The following PDE3A variants were observed in gnomAD, a reference collection of about 807,000 sequenced individuals.
PDE3A encodes cGMP-inhibited 3',5'-cyclic phosphodiesterase 3A.
A neutral mutation model predicts 98.3 loss-of-function variants in PDE3A; 43 were observed. The ratio of observed to expected loss-of-function variants is 0.44; its 90% CI spans 0.34 to 0.56. The LOEUF is 0.56. Ranked by LOEUF, PDE3A falls within the 20% of genes least tolerant of loss-of-function variation. The pLI is 0.01. For synonymous variants in PDE3A, 663 were observed against 567.9 expected (o/e 1.17, Z -2.38); for missense variants, 1,427 against 1,440.7 (o/e 0.99, Z 0.15).
chr12:20,520,106 T>C (rs1489625058), intron 1 of PDE3A, among the ~76,000 whole-genome samples: 1 of 152,164 alleles, frequency 6.6e-6, no homozygotes, highest in Non-Finnish European at 1.5e-5. Context: ...TAGTCATTGG[T>C]ATCAGTAATG....
Position 20,552,023 on chromosome 12 carries a change from G to C in PDE3A, c.961-4637G>C. On this transcript the variant is annotated intron_variant, in intron 1 of 15. Transcript: ENST00000359062. This position sits in a 1 kb window ranked among gnomAD's most constrained non-coding sequence, Gnocchi z 5.1. Reference sequence around the variant, plus strand: ...GCGTACTCCCTAGTCCTGGCGGGGGGCTACGAGGATGACGTGGACCATGGG... The same window carrying C: ...GCGTACTCCCTAGTCCTGGCGGGGGCCTACGAGGATGACGTGGACCATGGG... 1 of 1,612,472 alleles carries C rather than the reference G, an allele frequency of 6.2e-7. No homozygotes were observed. The highest frequency in any genetic ancestry group is 2.2e-5 in the East Asian group (1 of 44,872).
chr12:20,631,789 C>T (rs540315143), intron 6 of PDE3A, among the ~76,000 whole-genome samples: 1 of 148,440 alleles, frequency 6.7e-6, no homozygotes, highest in Admixed American at 6.8e-5. Flanking sequence ...ATTTCACTGT[C>T]TACTTGTTCA....
intron 2 of PDE3A, among the ~76,000 whole-genome samples, chr12:20,581,429 T>C (rs1291040645): frequency 6.6e-6 from 1 of 152,170 alleles, no homozygotes; most frequent in Non-Finnish European, 1.5e-5. Context: ...ACAGAGAACA[T>C]GCTTCACAGC....
At chr12:20,640,219 G>A (rs545588036) in intron 10 of PDE3A, among the ~76,000 whole-genome samples, 1 of 152,152 alleles carries the variant, frequency 6.6e-6, no homozygotes, top group South Asian at 2.1e-4. Context: ...TATAGTACCT[G>A]ATTCATATGA....
At chr12:20,470,352 G>C (rs1372228064) in intron 1 of PDE3A, among the ~76,000 whole-genome samples, 3 of 152,030 alleles carry the variant, frequency 2.0e-5, no homozygotes, top group Non-Finnish European at 2.9e-5. Flanking sequence ...CTGAGGCTCT[G>C]AGTTCAGTGG....
chr12:20,666,642 G>T (rs1036903263), intron 15 of PDE3A, among the ~76,000 whole-genome samples: 6 of 152,114 alleles, frequency 3.9e-5, no homozygotes, highest in African/African-American at 1.4e-4. Flanking sequence ...TTATTCCATT[G>T]TGTATGTATA....
At chr12:20,637,284 T>C (rs1944537301) in intron 9 of PDE3A, 47 bp downstream of exon 9, 1 of 1,434,606 alleles carries the variant, frequency 7.0e-7, no homozygotes, top group African/African-American at 1.4e-5. Context: ...GGAAAAACAG[T>C]TCCTTTGTTG....
intron 9 of PDE3A, among the ~76,000 whole-genome samples, chr12:20,637,511 A>G (rs183045334): frequency 6.6e-6 from 1 of 152,082 alleles, no homozygotes; most frequent in East Asian, 1.9e-4. Flanking sequence ...CAAACGATCT[A>G]GAATTCATAG....
chr12:20,447,664 C>G (rs554631794), intron 1 of PDE3A, among the ~76,000 whole-genome samples: 17 of 152,346 alleles, frequency 1.1e-4, no homozygotes, highest in African/African-American at 4.1e-4. Flanking sequence ...AGCTCTCCAA[C>G]TGGCTGTTCA....
At position 20,613,672 on chromosome 12, in the gene PDE3A, C is replaced by T; in HGVS notation, c.1241C>T (p.Ser414Phe). 3 of 1,613,878 alleles carry T rather than the reference C, an allele frequency of 1.9e-6. No homozygotes were observed. The highest frequency in any genetic ancestry group is 2.5e-6 in the Non-Finnish European group (3 of 1,179,778). The change falls in exon 3 of 16, where the codon TCT becomes TTT. Residue 414 changes from serine (S) to phenylalanine (F), a missense_variant. Ser to Phe is a radical substitution (Grantham distance 155). Around this residue, in one of 3 missense-constraint regions of PDE3A, gnomAD observed 1,012 missense variants for 886.5 expected, o/e 1.14. Coordinates refer to ENST00000359062, the MANE Select transcript of PDE3A (RefSeq NM_000921.5). Reference protein sequence around the residue: ...NYTCSDSEESSEKDKLAIPKR... With the variant: ...NYTCSDSEESFEKDKLAIPKR... ...ACCTGTTCTGACTCTGAAGAGAGCT[C>T]TGAAAAAGACAAGCTTGCTATTCCA...
At chr12:20,455,237 G>A (rs950342606) in intron 1 of PDE3A, among the ~76,000 whole-genome samples, 40 of 151,870 alleles carry the variant, frequency 2.6e-4, no homozygotes, top group Admixed American at 2.0e-3. Flanking sequence ...TTTTTCATAC[G>A]CTTGTGGCCA....
chr12:20,386,863 A>G (rs1943820831), intron 1 of PDE3A, among the ~76,000 whole-genome samples: 1 of 152,070 alleles, frequency 6.6e-6, no homozygotes, highest in Admixed American at 6.6e-5. Flanking sequence ...TATGTCCTAA[A>G]TGATATTGTC....
chr12:20,606,644 A>C (rs1311474523), intron 2 of PDE3A, among the ~76,000 whole-genome samples: 3 of 151,862 alleles, frequency 2.0e-5, no homozygotes, highest in Non-Finnish European at 4.4e-5. Context: ...GGGTCACCTG[A>C]GGTTGGGAGT....
At chr12:20,561,515 T>C (rs996294734) in intron 2 of PDE3A, among the ~76,000 whole-genome samples, 1 of 152,142 alleles carries the variant, frequency 6.6e-6, no homozygotes, top group African/African-American at 2.4e-5. Context: ...GCAAGATGAA[T>C]TTTAACATAT....
intron 1 of PDE3A, chr12:20,371,264 A>G (rs1943469045): frequency 6.8e-6 from 4 of 589,408 alleles, no homozygotes; most frequent in Non-Finnish European, 8.5e-6. Flanking sequence ...TTTTAAATGC[A>G]TACGGTGTCT....
chr12:20,584,801 A>C (rs1943151653), intron 2 of PDE3A, among the ~76,000 whole-genome samples: 1 of 152,010 alleles, frequency 6.6e-6, no homozygotes, highest in South Asian at 2.1e-4. Context: ...CTTTTCTGGC[A>C]ATTTTCATTT....
intron 1 of PDE3A, among the ~76,000 whole-genome samples, chr12:20,397,336 A>C (rs1251533180): frequency 2.0e-5 from 3 of 151,998 alleles, no homozygotes; most frequent in Non-Finnish European, 4.4e-5. Flanking sequence ...ACATGGTATC[A>C]TGTGTTTATA....
intron 1 of PDE3A, among the ~76,000 whole-genome samples, chr12:20,475,169 A>ATGTGTGTGTG (rs773174440): frequency 4.1e-5 from 4 of 96,408 alleles, no homozygotes; most frequent in South Asian, 4.3e-4. Context: ...AGAGGAAAAA[A>ATGTGTGTGTG]TGTGTGTGAG....
intron 1 of PDE3A, among the ~76,000 whole-genome samples, chr12:20,416,506 T>G (rs1157352991): frequency 1.3e-5 from 2 of 152,172 alleles, no homozygotes; most frequent in African/African-American, 4.8e-5. Flanking sequence ...AAGCAGCCGC[T>G]ATGTGCCAGG....
Sources: allele counts gnomAD v4.1 joint callset (sites outside exome capture counted in the v4.1 genomes callset), GRCh38; gene constraint gnomAD v4.1.1; regional missense constraint gnomAD v4.1.1; non-coding constraint Gnocchi (gnomAD v3.1); transcripts MANE v1.5; gene names NCBI Gene and HGNC (gene_info 2026-07-23, HGNC 2026-07-21).